Variants in NAA11 observed in about 807,000 individuals in gnomAD.
NAA11 encodes the protein N-alpha-acetyltransferase 11, NatA catalytic subunit.
A neutral mutation model predicts 16.1 loss-of-function variants in NAA11; 15 were observed. The observed-to-expected ratio is 0.93, with a 90% confidence interval of 0.62 to 1.44. The LOEUF (loss-of-function observed/expected upper bound fraction) is 1.44. NAA11 is among the 40% of genes most tolerant of loss of function. The pLI, the probability that NAA11 is intolerant of heterozygous loss-of-function variation, is 0.00. For missense variants in NAA11, 298 were observed against 291.3 expected, an observed-to-expected ratio of 1.02 and a Z score of -0.17; for synonymous variants, 122 against 112.4, an observed-to-expected ratio of 1.09 and a Z score of -0.54.
At chr4:79,188,757 C>A in the NAA11 span, among the ~76,000 whole-genome samples, 1 of 152,050 alleles carries the variant, frequency 6.6e-6, no homozygotes, top group Non-Finnish European at 1.5e-5. Context: ...AATATTTAGT[C>A]AGCAAATGAA....
chr4:79,304,014 C>G (rs1723487955), intron 1 of NAA11, among the ~76,000 whole-genome samples: 1 of 152,090 alleles, frequency 6.6e-6, no homozygotes, highest in Non-Finnish European at 1.5e-5. Flanking sequence ...CTATGGCATA[C>G]TTTTCTTAGT....
At chr4:79,196,392 C>T in the NAA11 span, among the ~76,000 whole-genome samples, 1 of 151,962 alleles carries the variant, frequency 6.6e-6, no homozygotes, top group African/African-American at 2.4e-5. Flanking sequence ...ATGAATTAGG[C>T]TTTAATCTCT....
the NAA11 span, among the ~76,000 whole-genome samples, chr4:79,210,448 C>G: frequency 6.6e-6 from 1 of 152,246 alleles, no homozygotes; most frequent in Middle Eastern, 3.4e-3. Flanking sequence ...GACTTTCTGG[C>G]TCCAGGAGAC....
chr4:79,217,225 G>A, the NAA11 span, among the ~76,000 whole-genome samples: 2 of 152,156 alleles, frequency 1.3e-5, no homozygotes, highest in Admixed American at 6.6e-5. Flanking sequence ...AGATCAACTT[G>A]TCTGTGTTCT....
the NAA11 span, among the ~76,000 whole-genome samples, chr4:79,212,331 T>G: frequency 6.6e-6 from 1 of 152,184 alleles, no homozygotes; most frequent in Non-Finnish European, 1.5e-5. Context: ...TCTGGGCCAT[T>G]ATTTCTCCCA....
chr4:79,270,126 G>A (rs868022954), intron 2 of NAA11, among the ~76,000 whole-genome samples: 17 of 150,814 alleles, frequency 1.1e-4, no homozygotes, highest in South Asian at 4.2e-4. Flanking sequence ...AAAGTTTGAA[G>A]TCAGGTAGTG....
At chr4:79,308,017 C>T (rs1723639551) in intron 1 of NAA11, among the ~76,000 whole-genome samples, 1 of 151,986 alleles carries the variant, frequency 6.6e-6, no homozygotes, top group African/African-American at 2.4e-5. Context: ...ATGGGAAACA[C>T]CAAGATAATT....
At chr4:79,253,273 T>A (rs1298479773) in intron 2 of NAA11, among the ~76,000 whole-genome samples, 2 of 152,184 alleles carry the variant, frequency 1.3e-5, no homozygotes, top group East Asian at 3.8e-4. Context: ...CTCTTAGATA[T>A]TCAAATAGAG....
At chr4:79,159,692 A>G in the NAA11 span, among the ~76,000 whole-genome samples, 5 of 152,220 alleles carry the variant, frequency 3.3e-5, no homozygotes, top group Non-Finnish European at 7.3e-5. Flanking sequence ...CCTAATAATT[A>G]GAAGTCACTC....
At chr4:79,162,326 C>G in the NAA11 span, among the ~76,000 whole-genome samples, 1 of 152,012 alleles carries the variant, frequency 6.6e-6, no homozygotes, top group South Asian at 2.1e-4. Flanking sequence ...TGTTGAATCC[C>G]GGAGAACTAA....
chr4:79,230,331 G>A (rs1226710661), intron 2 of NAA11, among the ~76,000 whole-genome samples: 1 of 151,888 alleles, frequency 6.6e-6, no homozygotes. Context: ...GCTAGATGAC[G>A]AGTTAGTGGG....
the NAA11 span, among the ~76,000 whole-genome samples, chr4:79,217,466 T>C: frequency 0.71 from 108,523 of 152,030 alleles, 40,933 homozygotes; most frequent in East Asian, 0.89. Flanking sequence ...GCAGAGTAAA[T>C]AGAAAAAGGA....
downstream of NAA11, among the ~76,000 whole-genome samples, chr4:79,223,488 A>T: frequency 9.3e-6 from 1 of 107,962 alleles, no homozygotes; most frequent in African/African-American, 3.7e-5. Flanking sequence ...CACTCTGGGG[A>T]CTGTTGTGGG....
At chr4:79,246,827 C>T (rs1369219458) in intron 2 of NAA11, among the ~76,000 whole-genome samples, 1 of 152,208 alleles carries the variant, frequency 6.6e-6, no homozygotes, top group East Asian at 1.9e-4. Flanking sequence ...CAGAGATTCA[C>T]TTAGAATTCA....
chr4:79,287,227 C>G (rs1227184761), intron 2 of NAA11, among the ~76,000 whole-genome samples: 1 of 151,984 alleles, frequency 6.6e-6, no homozygotes, highest in Non-Finnish European at 1.5e-5. Context: ...AGTGGAGAAC[C>G]ACATATGTCA....
chr4:79,318,499 C>A (rs1429672314), intron 1 of NAA11, among the ~76,000 whole-genome samples: 1 of 152,132 alleles, frequency 6.6e-6, no homozygotes, highest in Non-Finnish European at 1.5e-5. Flanking sequence ...TTTCATCTAT[C>A]ATATGCACAC....
At chr4:79,223,083 G>A (rs1301976840), downstream of NAA11, among the ~76,000 whole-genome samples, 1 of 149,278 alleles carries the variant, frequency 6.7e-6, no homozygotes, top group Non-Finnish European at 1.5e-5. Flanking sequence ...GGAAGTCAGT[G>A]TGGCGATTCC....
chr4:79,325,116 G>A lies in NAA11; in HGVS notation c.*12+60C>T, dbSNP rs770533219. ...GGTAAGACAGGATGGAATTGGGCAGGCCAAGGCAGGATGCAGGGATTTAGG... is the reference window on the plus strand; with the variant it reads ...GGTAAGACAGGATGGAATTGGGCAGACCAAGGCAGGATGCAGGGATTTAGG... On this transcript the variant is annotated intron_variant, in intron 1 of 1. Coordinates refer to ENST00000286794, the MANE Select transcript of NAA11 (RefSeq NM_032693.3). The A allele has an allele frequency of 8.4e-6, 12 of 1,424,340 alleles. No individual in the cohort carries two copies. The Admixed American group carries it at 1.2e-4, about 14-fold the overall frequency. The allele number at this position is 1,424,340 out of a possible 1,614,324, so 88.2% of individuals were successfully genotyped here. A position where few individuals can be genotyped will look rare whatever the true frequency, so the allele number is the denominator to read the frequency against.
the NAA11 span, among the ~76,000 whole-genome samples, chr4:79,214,027 G>A: frequency 6.6e-6 from 1 of 151,990 alleles, no homozygotes; most frequent in African/African-American, 2.4e-5. Context: ...GTAAATCATT[G>A]GTAGCTTTAA....
Sources: allele counts gnomAD v4.1 joint callset (sites outside exome capture counted in the v4.1 genomes callset), GRCh38; gene constraint gnomAD v4.1.1; transcripts MANE v1.5; gene names NCBI Gene and HGNC (gene_info 2026-07-23, HGNC 2026-07-21).